The following DYNC1I1 variants were observed in gnomAD, a reference collection of about 807,000 sequenced individuals.
The protein encoded by DYNC1I1 is dynein cytoplasmic 1 intermediate chain 1, also known as cytoplasmic dynein 1 intermediate chain 1.
In DYNC1I1, 43 loss-of-function variants were observed where a neutral mutation model predicts 86.6. The ratio of observed to expected loss-of-function variants is 0.50; its 90% confidence interval spans 0.39 to 0.64. The LOEUF (loss-of-function observed/expected upper bound fraction) is 0.64. DYNC1I1 is among the 30% of genes least tolerant of loss of function. The pLI, the probability that DYNC1I1 is intolerant of heterozygous loss-of-function variation, is 0.00. For synonymous variants in DYNC1I1, 262 were observed against 283.7 expected, an observed-to-expected ratio of 0.92 and a Z score of 0.77; for missense variants, 604 against 788.8, an observed-to-expected ratio of 0.77 and a Z score of 2.81.
chr7:95,996,157 A>G (rs1486866604), intron 10 of DYNC1I1, 84 bp downstream of exon 10: 2 of 1,569,526 alleles, frequency 1.3e-6, no homozygotes, highest in African/African-American at 1.4e-5. Flanking sequence ...TCTTATGCTG[A>G]GAGGAAGAAC....
At chr7:95,923,037 C>G (rs941670470) in intron 6 of DYNC1I1, among the ~76,000 whole-genome samples, 2 of 151,994 alleles carry the variant, frequency 1.3e-5, no homozygotes, top group African/African-American at 2.4e-5. Flanking sequence ...TGTTTTAATT[C>G]AGAGTTTTAA....
At chr7:95,918,136 G>T (rs1273239949) in intron 6 of DYNC1I1, among the ~76,000 whole-genome samples, 1 of 152,154 alleles carries the variant, frequency 6.6e-6, no homozygotes, top group Non-Finnish European at 1.5e-5. Context: ...TTCTGCCTCC[G>T]TTTCCCTGTC....
chr7:95,880,923 C>T (rs570265676), intron 6 of DYNC1I1, among the ~76,000 whole-genome samples: 142 of 152,150 alleles, frequency 9.3e-4, no homozygotes, highest in Admixed American at 2.2e-3. Context: ...CATTTTCACT[C>T]GTTCGTTATC....
intron 6 of DYNC1I1, among the ~76,000 whole-genome samples, chr7:95,932,650 T>A (rs767554333): frequency 6.6e-6 from 1 of 152,168 alleles, no homozygotes; most frequent in South Asian, 2.1e-4. Context: ...AATTATCAAG[T>A]TGAACCCTTT....
intron 6 of DYNC1I1, among the ~76,000 whole-genome samples, chr7:95,879,416 A>G (rs552182909): frequency 4.7e-4 from 71 of 152,346 alleles, no homozygotes; most frequent in African/African-American, 1.7e-3. Flanking sequence ...TATAGTAACT[A>G]GCATTAAAAC....
chr7:95,849,457 A>T (rs1024929201), intron 5 of DYNC1I1, among the ~76,000 whole-genome samples: 1 of 152,096 alleles, frequency 6.6e-6, no homozygotes, highest in Non-Finnish European at 1.5e-5. Flanking sequence ...TTCCAACACC[A>T]TTTGTTGCAA....
At chr7:95,960,013 A>G (rs906471363) in intron 6 of DYNC1I1, among the ~76,000 whole-genome samples, 1 of 152,228 alleles carries the variant, frequency 6.6e-6, no homozygotes, top group East Asian at 1.9e-4. Flanking sequence ...AAGGATAAAA[A>G]ACTAGGCAAA....
intron 16 of DYNC1I1, among the ~76,000 whole-genome samples, chr7:96,106,301 G>A (rs1791212893): frequency 6.6e-6 from 1 of 152,106 alleles, no homozygotes; most frequent in South Asian, 2.1e-4. Flanking sequence ...GGGAGGCCGA[G>A]GCAGGTGGAT....
intron 6 of DYNC1I1, among the ~76,000 whole-genome samples, chr7:95,936,910 T>C (rs1174979757): frequency 6.7e-6 from 1 of 148,268 alleles, no homozygotes; most frequent in African/African-American, 2.5e-5. Context: ...AGCCAAGATA[T>C]GCAAACAACC....
chr7:95,899,367 G>A (rs142677317), intron 6 of DYNC1I1, among the ~76,000 whole-genome samples: 136 of 152,216 alleles, frequency 8.9e-4, no homozygotes, highest in African/African-American at 3.0e-3. Context: ...AACTGGTGCC[G>A]GGATGCCTCC....
intron 6 of DYNC1I1, among the ~76,000 whole-genome samples, chr7:95,957,434 C>A (rs1365311878): frequency 6.6e-6 from 1 of 151,982 alleles, no homozygotes; most frequent in Non-Finnish European, 1.5e-5. Context: ...TGTCCAAGAT[C>A]TTTATCCCCT....
chr7:95,835,413 AG>A (rs932298608), intron 5 of DYNC1I1, among the ~76,000 whole-genome samples: 9 of 149,476 alleles, frequency 6.0e-5, no homozygotes, highest in African/African-American at 2.2e-4. Flanking sequence ...ATTTTGGAAT[AG>A]GTGTGGTGTG....
At chr7:96,091,644 T>G (rs12234456) in intron 16 of DYNC1I1, among the ~76,000 whole-genome samples, 4,636 of 152,320 alleles carry the variant, frequency 0.03, 229 homozygotes, top group East Asian at 0.23. Flanking sequence ...TGAAAGTTAC[T>G]GCAGATAATG....
chr7:95,888,162 A>T (rs12534790), intron 6 of DYNC1I1, among the ~76,000 whole-genome samples: 4,294 of 152,268 alleles, frequency 0.028, 176 homozygotes, highest in East Asian at 0.12. Context: ...TTAGGCCAGG[A>T]GTGGCGGCTC....
In DYNC1I1 at chr7:95,782,388, T is replaced by C. The variant is rs151038575; in HGVS notation, c.-10+9615T>C. On this transcript the variant is annotated intron_variant, in intron 1 of 16. Transcript: ENST00000447467. ...GACTGATATGTAACCACATATGTAG[T>C]GGTTTCAGCCACCAACTCTACAAGT... Among the ~76,000 whole-genome samples, 19 of 152,344 alleles carry C rather than the reference T, an allele frequency of 1.2e-4. No homozygotes were observed. The East Asian group carries it at 3.5e-3, about 28-fold the overall frequency.
intron 5 of DYNC1I1, among the ~76,000 whole-genome samples, chr7:95,847,310 A>T (rs547058026): frequency 6.6e-6 from 1 of 152,078 alleles, no homozygotes; most frequent in Non-Finnish European, 1.5e-5. Flanking sequence ...TAGACCATCA[A>T]TCACAGATCT....
intron 1 of DYNC1I1, among the ~76,000 whole-genome samples, chr7:95,774,316 A>C (rs146717214): frequency 9.1e-4 from 128 of 140,596 alleles, no homozygotes; most frequent in African/African-American, 3.0e-3. Flanking sequence ...CCTCAGATAC[A>C]AATGCACTTG....
intron 5 of DYNC1I1, among the ~76,000 whole-genome samples, chr7:95,837,000 G>C (rs4729211): frequency 6.0e-5 from 9 of 148,940 alleles, no homozygotes; most frequent in African/African-American, 1.5e-4. Flanking sequence ...GCTTTGTTCC[G>C]TTGCTGGTGA....
chr7:95,976,733 C>T (rs188668962), intron 6 of DYNC1I1, among the ~76,000 whole-genome samples: 1 of 152,124 alleles, frequency 6.6e-6, no homozygotes, highest in Non-Finnish European at 1.5e-5. Flanking sequence ...TTTCTTGTGA[C>T]ACCTTGACAC....
Sources: allele counts gnomAD v4.1 joint callset (sites outside exome capture counted in the v4.1 genomes callset), GRCh38; gene constraint gnomAD v4.1.1; transcripts MANE v1.5; gene names NCBI Gene and HGNC (gene_info 2026-07-23, HGNC 2026-07-21).